ROR1: variants seen among roughly 807,000 people sequenced by gnomAD.
ROR1 encodes the protein ROR family WNT receptor 1, also known as inactive tyrosine-protein kinase transmembrane receptor ROR1.
ROR1 carries 19 observed loss-of-function variants against 78.8 expected under a neutral mutation model. The observed-to-expected ratio is 0.24, with a 90% confidence interval of 0.17 to 0.35. The LOEUF (loss-of-function observed/expected upper bound fraction) is 0.35, where lower values mean the gene tolerates loss of function less well. ROR1 is among the 10% of genes least tolerant of loss of function. ROR1 has a pLI of 1.00. For synonymous variants in ROR1, 386 were observed against 433.6 expected (o/e 0.89, Z 1.36); for missense variants, 917 against 1,177.8 (o/e 0.78, Z 3.24).
At chr1:64,139,960 A>G (rs1649245894) in intron 5 of ROR1, 149 bp from the exon 6 acceptor site, 1 of 696,162 alleles carries the variant, frequency 1.4e-6, no homozygotes, top group Non-Finnish European at 2.4e-6. Flanking sequence ...CTGCTTAGAC[A>G]TCTGAAATGA....
At chr1:63,840,243 C>T (rs1421201226) in intron 1 of ROR1, among the ~76,000 whole-genome samples, 1 of 151,258 alleles carries the variant, frequency 6.6e-6, no homozygotes, top group East Asian at 1.9e-4. Flanking sequence ...GAAATAGGAC[C>T]TGAGCTAACC....
intron 2 of ROR1, 122 bp downstream of exon 2, chr1:64,009,498 T>C (rs760244564): frequency 2.9e-6 from 2 of 680,018 alleles, no homozygotes; most frequent in East Asian, 5.3e-5. Flanking sequence ...GGGGCCAAAA[T>C]AAATCCCCAG....
At chr1:63,893,677 G>A (rs1029652009) in intron 1 of ROR1, among the ~76,000 whole-genome samples, 19 of 152,052 alleles carry the variant, frequency 1.2e-4, no homozygotes, top group African/African-American at 4.6e-4. Flanking sequence ...AAGAAACGAA[G>A]CAGCTGTCTT....
chr1:63,912,351 G>T (rs1485262666), intron 1 of ROR1, among the ~76,000 whole-genome samples: 1 of 151,714 alleles, frequency 6.6e-6, no homozygotes, highest in Non-Finnish European at 1.5e-5. Flanking sequence ...CTACTCTCAG[G>T]GTTTCATACT....
At chr1:63,788,898 C>T (rs374160116) in intron 1 of ROR1, 42 of 883,160 alleles carry the variant, frequency 4.8e-5, no homozygotes, top group African/African-American at 4.7e-4. Flanking sequence ...CCATGAGAAT[C>T]GCTTGTTTTT....
intron 1 of ROR1, among the ~76,000 whole-genome samples, chr1:63,997,256 C>A (rs890527986): frequency 6.6e-6 from 1 of 152,160 alleles, no homozygotes; most frequent in African/African-American, 2.4e-5. Context: ...GACATCACAG[C>A]CATTGAAATC....
intron 1 of ROR1, among the ~76,000 whole-genome samples, chr1:63,938,793 C>T (rs144987273): frequency 1.8e-4 from 28 of 152,140 alleles, no homozygotes; most frequent in African/African-American, 5.1e-4. Context: ...CCTGGGAGGT[C>T]AACACCACCC....
intron 4 of ROR1, among the ~76,000 whole-genome samples, chr1:64,118,675 C>T (rs1454917476): frequency 6.7e-6 from 1 of 150,200 alleles, no homozygotes; most frequent in African/African-American, 2.5e-5. Context: ...TTAGATGGAC[C>T]TGATCCTAAT....
intron 8 of ROR1, among the ~76,000 whole-genome samples, chr1:64,168,664 TCA>T (rs1650153834): frequency 6.6e-6 from 1 of 152,234 alleles, no homozygotes; most frequent in Non-Finnish European, 1.5e-5. Context: ...CTACAAGTAG[TCA>T]TGTAGTATAT....
At chr1:64,045,003 A>G (rs1557624841) in intron 2 of ROR1, among the ~76,000 whole-genome samples, 1 of 152,186 alleles carries the variant, frequency 6.6e-6, no homozygotes, top group Non-Finnish European at 1.5e-5. Flanking sequence ...GCAATGCATG[A>G]TGTTACAAAA....
rs960808140 is a variant in ROR1 at position 63,774,388 on chromosome 1, G to A, written c.-30G>A. On this transcript the variant is annotated 5_prime_UTR_variant, in exon 1 of 9. Transcript: ENST00000371079. This position sits in a 1 kb window ranked among gnomAD's most constrained non-coding sequence, Gnocchi z 5.7. ...ATGTTCTGCGCGCGGCCTGGGAGCC[G>A]CCGCCGCCGCCGCCTCAGCGAGAGG... 2.4e-6 allele frequency: 3 copies of A among 1,246,970 alleles called. No homozygotes were observed. Among genetic ancestry groups the A allele is most frequent in the Non-Finnish European group, 2.0e-6 (2 of 986,332 alleles). 77.2% of individuals were successfully genotyped at this position (1,246,970 alleles called of 1,614,324 possible).
intron 1 of ROR1, among the ~76,000 whole-genome samples, chr1:63,847,382 C>T (rs1005036531): frequency 1.3e-5 from 2 of 152,148 alleles, no homozygotes; most frequent in Non-Finnish European, 2.9e-5. Context: ...TGGTACCAGC[C>T]TATGGATTGG....
At chr1:63,872,426 AT>A (rs60486807) in intron 1 of ROR1, among the ~76,000 whole-genome samples, 8,547 of 149,902 alleles carry the variant, frequency 0.057, 618 homozygotes, top group African/African-American at 0.16. Context: ...CCTTTTGCTT[AT>A]TTTTTTTTTC....
chr1:63,843,139 C>T (rs1409874980), intron 1 of ROR1: 16 of 799,336 alleles, frequency 2.0e-5, no homozygotes, highest in Admixed American at 1.8e-4. Flanking sequence ...CTGCAACCCC[C>T]GAGGGCAGAT....
chr1:63,870,372 G>C (rs1260414273), intron 1 of ROR1, among the ~76,000 whole-genome samples: 1 of 152,154 alleles, frequency 6.6e-6, no homozygotes, highest in Non-Finnish European at 1.5e-5. Flanking sequence ...GTGAGAATAG[G>C]AATTAGGTAG....
Position 64,142,441 on chromosome 1 carries a change from G to A in ROR1, c.965G>A (p.Arg322Gln), listed in dbSNP as rs189581966. Residue 322 changes from arginine to glutamine, a missense_variant, in exon 7 of 9, where the codon CGG becomes CAG. This residue lies in a region of ROR1 where 835 missense variants were observed against 1,069.8 expected (regional missense o/e 0.78). Transcript: ENST00000371079. Reference protein sequence around the residue: ...KCYNSTGVDYRGTVSVTKSGR... With the variant: ...KCYNSTGVDYQGTVSVTKSGR... ...TATAACAGCACAGGTGTGGACTACC[G>A]GGGGACCGTCAGTGTGACCAAATCA... 9.9e-6 allele frequency: 16 copies of A among 1,614,070 alleles called. No individual in the cohort carries two copies. Among genetic ancestry groups the A allele is most frequent in the East Asian group, 2.2e-5 (1 of 44,872 alleles).
chr1:63,906,936 C>G (rs1475727757), intron 1 of ROR1, among the ~76,000 whole-genome samples: 1 of 152,048 alleles, frequency 6.6e-6, no homozygotes, highest in Non-Finnish European at 1.5e-5. Flanking sequence ...TTATCCAGAG[C>G]CACAGGCAGG....
At chr1:64,095,700 AT>A (rs1647279536) in intron 4 of ROR1, among the ~76,000 whole-genome samples, 1 of 152,284 alleles carries the variant, frequency 6.6e-6, no homozygotes, top group East Asian at 1.9e-4. Context: ...TACCCCAAAA[AT>A]ATCTGAATTA....
intron 4 of ROR1, among the ~76,000 whole-genome samples, chr1:64,080,362 A>C (rs1300708791): frequency 6.6e-6 from 1 of 152,152 alleles, no homozygotes; most frequent in African/African-American, 2.4e-5. Flanking sequence ...CTCAACAAAG[A>C]ATCAGCCAGC....
Sources: gnomAD v4.1 joint callset for allele counts (sites outside exome capture counted in the v4.1 genomes callset) on GRCh38, gnomAD v4.1.1 for gene constraint, gnomAD v4.1.1 regional missense constraint, Gnocchi (gnomAD v3.1) non-coding constraint, MANE v1.5 for transcripts, NCBI Gene and HGNC (gene_info 2026-07-23, HGNC 2026-07-21) for gene names.